CA8: variants seen among roughly 807,000 people sequenced by gnomAD.
CA8 encodes carbonic anhydrase 8 (inactive).
In CA8, 22 loss-of-function variants were observed where a neutral mutation model predicts 41.4. That is an observed-to-expected ratio of 0.53 (90% confidence interval 0.38 to 0.76). The LOEUF is 0.76. CA8 is among the 30% of genes least tolerant of loss of function. The pLI is 0.00. For synonymous variants in CA8, 121 were observed against 130.6 expected (o/e 0.93, Z 0.50); for missense variants, 270 against 352.8 (o/e 0.77, Z 1.88).
At chr8:60,190,279 TATC>T (rs1364514953) in intron 8 of CA8, among the ~76,000 whole-genome samples, 1 of 151,480 alleles carries the variant, frequency 6.6e-6, no homozygotes, top group Non-Finnish European at 1.5e-5. Context: ...AAAATATGTA[TATC>T]ATGTCAAATA....
At chr8:60,203,866 G>A (rs979759335) in intron 8 of CA8, among the ~76,000 whole-genome samples, 1 of 152,032 alleles carries the variant, frequency 6.6e-6, no homozygotes, top group African/African-American at 2.4e-5. Context: ...CCTGCTTCCT[G>A]TTCTCTCTGG....
In CA8 at chr8:60,188,917, T is replaced by A. The variant is rs555692295; in HGVS notation, c.*1104A>T. On this transcript the variant is annotated 3_prime_UTR_variant, in exon 9 of 9. Transcript: ENST00000317995. Reference sequence around the variant, plus strand: ...ATTTCTATGACTTAGATATTCTGCATCACAAAATCCCTCCAAACTGGGACT... The same window carrying A: ...ATTTCTATGACTTAGATATTCTGCAACACAAAATCCCTCCAAACTGGGACT... 1 of 152,178 alleles carries A rather than the reference T, an allele frequency of 6.6e-6. No homozygotes were observed. Among genetic ancestry groups the A allele is most frequent in the African/African-American group, 2.4e-5 (1 of 41,442 alleles). 9.4% of individuals were successfully genotyped at this position (152,178 alleles called of 1,614,324 possible). A position where few individuals can be genotyped will look rare whatever the true frequency, so the allele number is the denominator to read the frequency against.
chr8:60,212,761 C>T (rs1382189470), intron 7 of CA8, among the ~76,000 whole-genome samples: 1 of 152,200 alleles, frequency 6.6e-6, no homozygotes, highest in Non-Finnish European at 1.5e-5. Context: ...GCATTGTACA[C>T]TTTAAAATGC....
intron 7 of CA8, among the ~76,000 whole-genome samples, chr8:60,212,176 C>T (rs997952075): frequency 2.6e-5 from 4 of 152,180 alleles, no homozygotes. Flanking sequence ...TCCAATTGGT[C>T]TAAGACATTT....
At chr8:60,238,625 G>A (rs567272272) in intron 3 of CA8, among the ~76,000 whole-genome samples, 87 of 152,208 alleles carry the variant, frequency 5.7e-4, no homozygotes, top group African/African-American at 2.0e-3. Flanking sequence ...CCTGGGCCCT[G>A]GCATTTACAT....
In CA8 at chr8:60,188,993, TTTA is replaced by T. The variant is rs1286885195; in HGVS notation, c.*1025_*1027del. The T allele has an allele frequency of 6.6e-6, 1 of 152,150 alleles. No individual in the cohort carries two copies. The highest frequency in any genetic ancestry group is 1.5e-5 in the Non-Finnish European group (1 of 68,034). 9.4% of individuals were successfully genotyped at this position (152,150 alleles called of 1,614,324 possible). A position where few individuals can be genotyped will look rare whatever the true frequency, so the allele number is the denominator to read the frequency against. The stretch of plus-strand genomic sequence containing the variant: ...AATTATAACAACAATAACAATAATA[TTTA>T]TTGTTTGCTTTGTGCCAGGTACTCT... On this transcript the variant is annotated 3_prime_UTR_variant, in exon 9 of 9. Coordinates refer to ENST00000317995, the MANE Select transcript of CA8 (RefSeq NM_004056.6).
intron 6 of CA8, among the ~76,000 whole-genome samples, chr8:60,223,347 TGGTGGTGTGAC>T (rs1807314352): frequency 2.0e-5 from 3 of 152,132 alleles, no homozygotes; most frequent in Admixed American, 2.0e-4. Context: ...TGCTGGAGTG[TGGTGGTGTGAC>T]CATGAATCAC....
chr8:60,265,632 C>T (rs1803877533), intron 3 of CA8: 1 of 374,366 alleles, frequency 2.7e-6, no homozygotes, highest in Admixed American at 4.2e-5. Flanking sequence ...AAATGACCTA[C>T]TGAATTTGCA....
In CA8 at chr8:60,231,010, C is replaced by A. The variant is rs550332998; in HGVS notation, c.513+1274G>T. On this transcript the variant is annotated intron_variant, in intron 4 of 8. Transcript: ENST00000317995. ...TATTTTTATTTTATTATTTTTTATTCTTACTTTTAATAATGAGATAGTACA... is the reference window on the plus strand; with the variant it reads ...TATTTTTATTTTATTATTTTTTATTATTACTTTTAATAATGAGATAGTACA... Among the ~76,000 whole-genome samples the A allele has an allele frequency of 7.2e-5, 11 of 151,770 alleles. No homozygotes were observed. In the East Asian group the frequency reaches 2.1e-3, roughly 29 times the overall value.
At chr8:60,249,611 C>T (rs544245666) in intron 3 of CA8, among the ~76,000 whole-genome samples, 26 of 152,192 alleles carry the variant, frequency 1.7e-4, no homozygotes, top group South Asian at 6.2e-4. Flanking sequence ...ATAAATTGAG[C>T]TTTTTGCTCT....
intron 7 of CA8, among the ~76,000 whole-genome samples, chr8:60,214,032 G>A (rs10100519): frequency 1.3e-5 from 2 of 151,970 alleles, no homozygotes; most frequent in African/African-American, 4.8e-5. Flanking sequence ...GGGGTGGAAC[G>A]CAGCAATCTG....
At chr8:60,238,144 A>C (rs1807897020) in intron 3 of CA8, among the ~76,000 whole-genome samples, 1 of 152,200 alleles carries the variant, frequency 6.6e-6, no homozygotes, top group Non-Finnish European at 1.5e-5. Context: ...GAATAGATAA[A>C]TTTGTCCAAA....
intron 8 of CA8, among the ~76,000 whole-genome samples, chr8:60,206,394 C>T (rs1048028560): frequency 6.6e-6 from 1 of 151,914 alleles, no homozygotes; most frequent in African/African-American, 2.4e-5. Flanking sequence ...TAATAATAGT[C>T]ATTTAGATAT....
At chr8:60,272,643 A>T (rs979509942) in intron 2 of CA8, among the ~76,000 whole-genome samples, 1 of 152,190 alleles carries the variant, frequency 6.6e-6, no homozygotes, top group Non-Finnish European at 1.5e-5. Context: ...TCCATCAAGG[A>T]TTATTTCAAA....
In CA8 at chr8:60,281,153, G is replaced by A; in HGVS notation, c.-6C>T. 6.5e-7 allele frequency: 1 copy of A among 1,550,104 alleles called. No homozygotes were observed. Among genetic ancestry groups the A allele is most frequent in the Non-Finnish European group, 8.7e-7 (1 of 1,147,864 alleles). ...ATGAAGCTCAGGTCCGCCATGGGAAGGCCGCGGGGCCCCTCGGCGCTCTCG... is the reference window on the plus strand; with the variant it reads ...ATGAAGCTCAGGTCCGCCATGGGAAAGCCGCGGGGCCCCTCGGCGCTCTCG... On this transcript the variant is annotated 5_prime_UTR_variant, in exon 1 of 9. Transcript: ENST00000317995.
At chr8:60,228,155 C>T (rs750197231) in intron 4 of CA8, among the ~76,000 whole-genome samples, 48 of 152,152 alleles carry the variant, frequency 3.2e-4, no homozygotes, top group Non-Finnish European at 2.1e-4. Context: ...AGACAAGAAA[C>T]GCTCTACCTA....
intron 8 of CA8, among the ~76,000 whole-genome samples, chr8:60,204,307 T>C (rs1422150120): frequency 1.3e-5 from 2 of 152,192 alleles, no homozygotes; most frequent in Non-Finnish European, 2.9e-5. Flanking sequence ...TCATGAAATC[T>C]ACTGTATCTA....
At chr8:60,194,886 A>T (rs941911902) in intron 8 of CA8, among the ~76,000 whole-genome samples, 1 of 152,188 alleles carries the variant, frequency 6.6e-6, no homozygotes, top group Non-Finnish European at 1.5e-5. Flanking sequence ...ATTTTAATGC[A>T]GTCTGTGGTG....
At chr8:60,245,748 C>T (rs1808206665) in intron 3 of CA8, among the ~76,000 whole-genome samples, 1 of 152,118 alleles carries the variant, frequency 6.6e-6, no homozygotes, top group Non-Finnish European at 1.5e-5. Flanking sequence ...ACCAAAACAG[C>T]TTGTGAGGTT....
Sources: gnomAD v4.1 joint callset for allele counts (sites outside exome capture counted in the v4.1 genomes callset) on GRCh38, gnomAD v4.1.1 for gene constraint, MANE v1.5 for transcripts, NCBI Gene and HGNC (gene_info 2026-07-23, HGNC 2026-07-21) for gene names.